Variants in SPATA17 observed in about 807,000 individuals in gnomAD.
The protein encoded by SPATA17 is spermatogenesis-associated protein 17.
In SPATA17, 53 loss-of-function variants were observed where a neutral mutation model predicts 62.2. The observed-to-expected ratio is 0.85, with a 90% CI of 0.68 to 1.07. The LOEUF is 1.07. SPATA17 is among the 50% of genes least tolerant of loss of function. The pLI is 0.00. For synonymous variants in SPATA17, 146 were observed against 146.8 expected (o/e 0.99, Z 0.04); for missense variants, 466 against 425.5 (o/e 1.10, Z -0.84).
chr1:217,780,155 G>A (rs772652926), intron 7 of SPATA17, among the ~76,000 whole-genome samples: 22 of 152,048 alleles, frequency 1.4e-4, no homozygotes, highest in Admixed American at 3.9e-4. Flanking sequence ...GGGTTCCCAT[G>A]TCACTCTAGG....
At chr1:217,776,704 A>G (rs999713025) in intron 7 of SPATA17, among the ~76,000 whole-genome samples, 21 of 150,992 alleles carry the variant, frequency 1.4e-4, no homozygotes, top group Non-Finnish European at 2.8e-4. Flanking sequence ...AAAGATGTCA[A>G]CCATGACCGT....
chr1:217,772,864 G>A (rs1345582363), intron 6 of SPATA17, among the ~76,000 whole-genome samples: 1 of 152,196 alleles, frequency 6.6e-6, no homozygotes, highest in East Asian at 1.9e-4. Context: ...TAGGTATTGT[G>A]GTGGTTATCC....
chr1:217,792,890 G>C (rs1674033254), intron 8 of SPATA17, among the ~76,000 whole-genome samples: 1 of 152,034 alleles, frequency 6.6e-6, no homozygotes, highest in African/African-American at 2.4e-5. Flanking sequence ...TAGGTGACTG[G>C]CTAGAGGATG....
At chr1:217,774,822 TC>T (rs1048115515) in intron 7 of SPATA17, among the ~76,000 whole-genome samples, 1 of 152,180 alleles carries the variant, frequency 6.6e-6, no homozygotes, top group Non-Finnish European at 1.5e-5. Flanking sequence ...GCAGAATATG[TC>T]CGAATTTCCT....
At chr1:217,712,241 C>T (rs1270076891) in intron 5 of SPATA17, among the ~76,000 whole-genome samples, 5 of 151,292 alleles carry the variant, frequency 3.3e-5, no homozygotes, top group Admixed American at 6.6e-5. Flanking sequence ...ATTCTCCTGC[C>T]TCAGCCTCCT....
chr1:217,659,281 A>G (rs896275806), intron 3 of SPATA17, among the ~76,000 whole-genome samples: 4 of 151,994 alleles, frequency 2.6e-5, no homozygotes, highest in Non-Finnish European at 5.9e-5. Flanking sequence ...AGGTCAAGGA[A>G]ATGACACTTC....
chr1:217,715,918 G>T (rs1187491252), intron 5 of SPATA17, among the ~76,000 whole-genome samples: 1 of 152,126 alleles, frequency 6.6e-6, no homozygotes, highest in East Asian at 1.9e-4. Context: ...TTTGTAGTCT[G>T]CTAATTTGCA....
At chr1:217,808,679 C>T (rs926724609) in intron 9 of SPATA17, among the ~76,000 whole-genome samples, 1 of 152,002 alleles carries the variant, frequency 6.6e-6, no homozygotes, top group Non-Finnish European at 1.5e-5. Context: ...TGGTGAAACC[C>T]TGTCTCTACT....
chr1:217,698,181 G>A (rs928483313), intron 5 of SPATA17, among the ~76,000 whole-genome samples: 16 of 152,110 alleles, frequency 1.1e-4, no homozygotes, highest in African/African-American at 3.9e-4. Context: ...GCTCACACCT[G>A]TAATCTCAGC....
intron 9 of SPATA17, among the ~76,000 whole-genome samples, chr1:217,821,828 C>G (rs1258312213): frequency 6.6e-6 from 1 of 152,022 alleles, no homozygotes; most frequent in Admixed American, 6.6e-5. Context: ...CTAAGGGGAG[C>G]ACTCATGCAA....
At chr1:217,711,864 A>G (rs1671872583) in intron 5 of SPATA17, among the ~76,000 whole-genome samples, 1 of 152,152 alleles carries the variant, frequency 6.6e-6, no homozygotes, top group Non-Finnish European at 1.5e-5. Flanking sequence ...AAATTTCCCC[A>G]GGAAGGAGCC....
chr1:217,659,187 A>AACACACACACAC (rs10546517), intron 3 of SPATA17, among the ~76,000 whole-genome samples: 15 of 144,636 alleles, frequency 1.0e-4, no homozygotes, highest in African/African-American at 2.8e-4. Flanking sequence ...TGCCCATCAA[A>AACACACACACAC]ACACACACAC....
chr1:217,677,447 C>T (rs576949301), intron 4 of SPATA17, among the ~76,000 whole-genome samples: 1 of 151,240 alleles, frequency 6.6e-6, no homozygotes, highest in South Asian at 2.1e-4. Context: ...AATAATGACC[C>T]CGAGATTACA....
intron 9 of SPATA17, among the ~76,000 whole-genome samples, chr1:217,815,364 T>A (rs1177581961): frequency 2.0e-5 from 3 of 152,188 alleles, no homozygotes; most frequent in African/African-American, 7.2e-5. Flanking sequence ...TCTGGAGGTT[T>A]GGCCTGGAGA....
At chr1:217,646,098 A>G (rs773908012) in intron 1 of SPATA17, among the ~76,000 whole-genome samples, 107 of 152,094 alleles carry the variant, frequency 7.0e-4, no homozygotes, top group Non-Finnish European at 1.3e-3. Context: ...CCTTAATATT[A>G]TGCATAAAAC....
intron 1 of SPATA17, among the ~76,000 whole-genome samples, chr1:217,633,876 A>G (rs1669877436): frequency 6.6e-6 from 1 of 152,248 alleles, no homozygotes; most frequent in Non-Finnish European, 1.5e-5. Context: ...TTAGGTTAGT[A>G]TCTGAGTCCT....
intron 3 of SPATA17, among the ~76,000 whole-genome samples, chr1:217,655,931 C>A (rs1237598780): frequency 1.3e-5 from 2 of 152,124 alleles, no homozygotes; most frequent in Admixed American, 1.3e-4. Flanking sequence ...ATGGTATGGA[C>A]AAAGACAGTA....
intron 9 of SPATA17, among the ~76,000 whole-genome samples, chr1:217,827,080 A>G (rs1205994222): frequency 6.6e-6 from 1 of 152,046 alleles, no homozygotes; most frequent in South Asian, 2.1e-4. Flanking sequence ...TATCTCATTT[A>G]AAATTTATAC....
chr1:217,793,928 T>A (rs978904832), intron 8 of SPATA17, among the ~76,000 whole-genome samples: 2 of 151,804 alleles, frequency 1.3e-5, no homozygotes, highest in Admixed American at 1.3e-4. Flanking sequence ...ATCCTGGCTA[T>A]CACGGTGAAA....
Sources: allele counts gnomAD v4.1 joint callset (sites outside exome capture counted in the v4.1 genomes callset), GRCh38; gene constraint gnomAD v4.1.1; transcripts MANE v1.5; gene names NCBI Gene and HGNC (gene_info 2026-07-23, HGNC 2026-07-21).